SLC25A26: variants seen among roughly 807,000 people sequenced by gnomAD.
SLC25A26 encodes mitochondrial S-adenosylmethionine carrier protein.
A neutral mutation model predicts 37.8 loss-of-function variants in SLC25A26; 36 were observed. The observed-to-expected ratio is 0.95, with a 90% CI of 0.73 to 1.26. The LOEUF is 1.26. Ranked by LOEUF, SLC25A26 falls within the 50% of genes most tolerant of loss-of-function variation. SLC25A26 has a pLI of 0.00. For synonymous variants in SLC25A26, 129 were observed against 122.5 expected (o/e 1.05, Z -0.35); for missense variants, 390 against 331.1 (o/e 1.18, Z -1.38).
chr3:66,334,562 G>A (rs376964306), intron 5 of SLC25A26, among the ~76,000 whole-genome samples: 10 of 151,834 alleles, frequency 6.6e-5, no homozygotes, highest in South Asian at 2.1e-4. Context: ...CTGATCCACC[G>A]GCCTCAGCCT....
chr3:66,227,796 G>A (rs2071826302), intron 1 of SLC25A26, among the ~76,000 whole-genome samples: 1 of 152,160 alleles, frequency 6.6e-6, no homozygotes, highest in Non-Finnish European at 1.5e-5. Flanking sequence ...CAGGCAGTAG[G>A]ATACTTGAGG....
At chr3:66,356,860 C>G in intron 6 of SLC25A26, among the ~76,000 whole-genome samples, 1 of 152,028 alleles carries the variant, frequency 6.6e-6, no homozygotes, top group East Asian at 1.9e-4. Context: ...AACTCCTGGG[C>G]TCAAGTGATC....
intron 9 of SLC25A26, among the ~76,000 whole-genome samples, 168 bp from the exon 10 acceptor site, chr3:66,377,519 GAAC>G (rs1439951567): frequency 6.6e-6 from 1 of 151,976 alleles, no homozygotes; most frequent in Non-Finnish European, 1.5e-5. Flanking sequence ...GAAAGTTTTA[GAAC>G]TACTGTTGGG....
intron 5 of SLC25A26, among the ~76,000 whole-genome samples, chr3:66,339,760 C>T (rs946555916): frequency 1.3e-5 from 2 of 151,968 alleles, no homozygotes; most frequent in Non-Finnish European, 2.9e-5. Flanking sequence ...TGGATATTAA[C>T]CCCTTATCAG....
At chr3:66,247,269 A>G (rs1007629344) in intron 3 of SLC25A26, among the ~76,000 whole-genome samples, 1 of 151,336 alleles carries the variant, frequency 6.6e-6, no homozygotes, top group African/African-American at 2.4e-5. Context: ...AAATATAAAT[A>G]TATATATATA....
At chr3:66,322,030 A>G (rs2075708354) in intron 5 of SLC25A26, among the ~76,000 whole-genome samples, 1 of 152,042 alleles carries the variant, frequency 6.6e-6, no homozygotes, top group African/African-American at 2.4e-5. Flanking sequence ...CTCCCATTCC[A>G]TCCTGCCTCT....
At chr3:66,163,897 A>T (rs145940280) in intron 1 of SLC25A26, among the ~76,000 whole-genome samples, 1 of 152,322 alleles carries the variant, frequency 6.6e-6, no homozygotes, top group Non-Finnish European at 1.5e-5. Context: ...AGTCCCTGGA[A>T]ACATTTTGTT....
At chr3:66,303,273 C>G (rs2075126451) in intron 5 of SLC25A26, among the ~76,000 whole-genome samples, 1 of 152,178 alleles carries the variant, frequency 6.6e-6, no homozygotes, top group Admixed American at 6.5e-5. Context: ...CTTCTCTCCC[C>G]CTCTCTAGTC....
intron 5 of SLC25A26, among the ~76,000 whole-genome samples, chr3:66,305,905 T>G (rs2075206311): frequency 6.6e-6 from 1 of 152,206 alleles, no homozygotes; most frequent in Non-Finnish European, 1.5e-5. Context: ...TTGAACTAAT[T>G]TACATTTTCA....
chr3:66,352,112 G>C (rs1369963574), intron 6 of SLC25A26, among the ~76,000 whole-genome samples: 1 of 152,074 alleles, frequency 6.6e-6, no homozygotes, highest in Non-Finnish European at 1.5e-5. Context: ...ATCTGGGATT[G>C]GTGGTGCATA....
In SLC25A26 at chr3:66,369,500, C is replaced by T. The variant is rs1243449964; in HGVS notation, c.591C>T (p.Thr197=). Residue 197 remains threonine (T), a synonymous_variant, in exon 8 of 10, where the codon ACC becomes ACT. Coordinates refer to ENST00000354883, the MANE Select transcript of SLC25A26 (RefSeq NM_001379210.1). ...AFAGGFAAAV[T]TPLDVAKTRI... ...CAGGTGGATTTGCCGCTGCAGTCACCACCCCTCTAGACGTGGCAAAGACAA... is the reference window on the plus strand; with the variant it reads ...CAGGTGGATTTGCCGCTGCAGTCACTACCCCTCTAGACGTGGCAAAGACAA... 1.2e-6 allele frequency: 2 copies of T among 1,605,190 alleles called. No homozygotes were observed. Among genetic ancestry groups the T allele is most frequent in the Non-Finnish European group, 1.7e-6 (2 of 1,175,922 alleles).
intron 3 of SLC25A26, among the ~76,000 whole-genome samples, chr3:66,247,745 A>C (rs2072914741): frequency 6.6e-6 from 1 of 152,236 alleles, no homozygotes. Context: ...GAAGCCATTC[A>C]GTATGAATTT....
intron 1 of SLC25A26, among the ~76,000 whole-genome samples, chr3:66,160,216 C>A (rs2070338645): frequency 6.6e-6 from 1 of 152,074 alleles, no homozygotes; most frequent in Admixed American, 6.6e-5. Flanking sequence ...TCTCGAGCAC[C>A]TGACCTCAGG....
chr3:66,272,283 C>T (rs1295642213), intron 5 of SLC25A26, among the ~76,000 whole-genome samples: 1 of 152,032 alleles, frequency 6.6e-6, no homozygotes, highest in East Asian at 1.9e-4. Flanking sequence ...ACTCCAGAAT[C>T]CATGAACTTA....
At chr3:66,370,411 C>T in intron 8 of SLC25A26, 118 bp from the exon 9 acceptor site, 1 of 846,980 alleles carries the variant, frequency 1.2e-6, no homozygotes, top group Non-Finnish European at 1.9e-6. Flanking sequence ...TCCCTGGTAT[C>T]TGACACTGTG....
At chr3:66,340,396 G>A (rs1355962299) in intron 5 of SLC25A26, among the ~76,000 whole-genome samples, 2 of 152,042 alleles carry the variant, frequency 1.3e-5, no homozygotes, top group African/African-American at 4.8e-5. Context: ...CTTTCGATGA[G>A]CAGAAGTTTT....
At chr3:66,248,329 A>G (rs1046626706) in intron 3 of SLC25A26, among the ~76,000 whole-genome samples, 2 of 152,202 alleles carry the variant, frequency 1.3e-5, no homozygotes, top group African/African-American at 4.8e-5. Flanking sequence ...TGCCGTTTTT[A>G]TTAGGAAGAT....
chr3:66,306,146 A>T (rs1395250530), intron 5 of SLC25A26, among the ~76,000 whole-genome samples: 1 of 152,042 alleles, frequency 6.6e-6, no homozygotes, highest in Admixed American at 6.6e-5. Flanking sequence ...CACCATGCCC[A>T]GCTAATTTTT....
chr3:66,341,227 A>G (rs955030706), intron 5 of SLC25A26, among the ~76,000 whole-genome samples: 3 of 152,080 alleles, frequency 2.0e-5, no homozygotes, highest in Non-Finnish European at 4.4e-5. Flanking sequence ...TTGGAGGTAT[A>G]TTTTATCAGA....
Sources: gnomAD v4.1 joint callset for allele counts (sites outside exome capture counted in the v4.1 genomes callset) on GRCh38, gnomAD v4.1.1 for gene constraint, MANE v1.5 for transcripts, NCBI Gene and HGNC (gene_info 2026-07-23, HGNC 2026-07-21) for gene names.